Variants in PRDM16 observed in about 807,000 individuals in gnomAD.
PRDM16 encodes histone-lysine N-methyltransferase PRDM16.
A neutral mutation model predicts 110.6 loss-of-function variants in PRDM16; 23 were observed. The ratio of observed to expected loss-of-function variants is 0.21; its 90% CI spans 0.15 to 0.29. The LOEUF (loss-of-function observed/expected upper bound fraction) is 0.29. PRDM16 is among the 10% of genes least tolerant of loss of function. The pLI is 1.00. For synonymous variants in PRDM16, 799 were observed against 781.8 expected, an observed-to-expected ratio of 1.02 and a Z score of -0.37; for missense variants, 1,615 against 1,794.3, an observed-to-expected ratio of 0.90 and a Z score of 1.81.
intron 2 of PRDM16, among the ~76,000 whole-genome samples, chr1:3,198,144 C>G (rs751676301): frequency 2.6e-5 from 4 of 152,214 alleles, no homozygotes; most frequent in Non-Finnish European, 5.9e-5. Flanking sequence ...GTAGAATCTG[C>G]TCGGGTCAGG....
At chr1:3,184,495 G>C (rs1644245548) in intron 1 of PRDM16, among the ~76,000 whole-genome samples, 1 of 152,194 alleles carries the variant, frequency 6.6e-6, no homozygotes, top group South Asian at 2.1e-4. Flanking sequence ...GAAAGATCTA[G>C]ATCAGGTCAG....
rs1346526348 is a variant in PRDM16 at position 3,435,537 on chromosome 1, G to C, written c.*1726G>C. ...TTCTATTTATTTCTTGTATTGTTTG[G>C]AAGAAAAAATGATGATAGAGTCCCA... On this transcript the variant is annotated 3_prime_UTR_variant, in exon 17 of 17. Transcript: ENST00000270722. 1 of 231,486 alleles carries C rather than the reference G, an allele frequency of 4.3e-6. No individual in the cohort carries two copies. Among genetic ancestry groups the C allele is most frequent in the African/African-American group, 2.2e-5 (1 of 45,124 alleles). 14.3% of individuals were successfully genotyped at this position (231,486 alleles called of 1,614,324 possible).
intron 3 of PRDM16, among the ~76,000 whole-genome samples, chr1:3,381,400 GT>G (rs58504087): frequency 0.047 from 6,345 of 135,038 alleles, 167 homozygotes; most frequent in African/African-American, 0.13. Context: ...TTTTTTTCTG[GT>G]TTTTTTTTTT....
chr1:3,212,694 T>TCCCGCTCATCCTACCGGCCCCCTCG (rs1167908082), intron 2 of PRDM16, among the ~76,000 whole-genome samples: 2 of 151,174 alleles, frequency 1.3e-5, no homozygotes, highest in African/African-American at 4.9e-5. Flanking sequence ...GCTGCGGTCC[T>TCCCGCTCATCCTACCGGCCCCCTCG]CTCTGCCACT....
chr1:3,305,750 C>T (rs552475841), intron 3 of PRDM16, among the ~76,000 whole-genome samples: 3 of 152,252 alleles, frequency 2.0e-5, no homozygotes, highest in Non-Finnish European at 4.4e-5. Context: ...GGATCCACAT[C>T]ACATGCATGC....
At chr1:3,357,665 G>C (rs990105872) in intron 3 of PRDM16, among the ~76,000 whole-genome samples, 2 of 152,084 alleles carry the variant, frequency 1.3e-5, no homozygotes, top group East Asian at 3.9e-4. Context: ...CTGCCCAGTC[G>C]TCTACGCCCA....
intron 12 of PRDM16, among the ~76,000 whole-genome samples, chr1:3,420,089 G>A (rs1053701556): frequency 4.6e-5 from 7 of 152,126 alleles, no homozygotes; most frequent in Admixed American, 3.3e-4. Context: ...CTAGAGGGTC[G>A]GGGTGGTGTT....
chr1:3,225,966 C>G (rs1043771313), intron 2 of PRDM16, among the ~76,000 whole-genome samples: 6 of 152,242 alleles, frequency 3.9e-5, no homozygotes, highest in Admixed American at 3.9e-4. Context: ...CTCCTGCATC[C>G]GTGCCTCAGC....
At chr1:3,291,475 A>G (rs1177368585) in intron 3 of PRDM16, among the ~76,000 whole-genome samples, 1 of 151,974 alleles carries the variant, frequency 6.6e-6, no homozygotes, top group East Asian at 2.0e-4. Flanking sequence ...AATAAACACC[A>G]TCCGCTGTCA....
intron 1 of PRDM16, among the ~76,000 whole-genome samples, chr1:3,171,490 C>A (rs34456377): frequency 0.052 from 7,980 of 152,304 alleles, 230 homozygotes; most frequent in Admixed American, 0.072. Context: ...CGCAGGTGCT[C>A]TGGCAGCTGG....
intron 6 of PRDM16, 57 bp from the exon 7 acceptor site, chr1:3,404,682 C>T (rs1011482665): frequency 1.2e-6 from 2 of 1,602,856 alleles, no homozygotes; most frequent in Non-Finnish European, 1.7e-6. Context: ...GTTGGGGTCC[C>T]CTCCCGGGCA....
chr1:3,162,900 C>T lies in PRDM16; in HGVS notation c.38-23225C>T, dbSNP rs1643912268. Among the ~76,000 whole-genome samples the T allele has an allele frequency of 2.2e-5, 3 of 135,968 alleles. No individual in the cohort carries two copies. In the Admixed American group the frequency reaches 2.2e-4, roughly 10 times the overall value. 89.2% of individuals were successfully genotyped at this position (135,968 alleles called of 152,430 possible). ...GGGAGAGGGGATGTGCGCAGAAGCC[C>T]CTGGCATGGTCTAGAGGGCTTTGGG... On this transcript the variant is annotated intron_variant, in intron 1 of 16. Transcript: ENST00000270722.
At chr1:3,347,131 C>T (rs1459673037) in intron 3 of PRDM16, among the ~76,000 whole-genome samples, 1 of 152,176 alleles carries the variant, frequency 6.6e-6, no homozygotes, top group Admixed American at 6.5e-5. Context: ...GGTCAGTGTA[C>T]AGCCCCGGGA....
chr1:3,288,456 C>T (rs1219074161), intron 3 of PRDM16, among the ~76,000 whole-genome samples: 1 of 152,188 alleles, frequency 6.6e-6, no homozygotes, highest in Non-Finnish European at 1.5e-5. Flanking sequence ...GGGCTCCAGC[C>T]TGCTTTTTCT....
rs1642468122 is a variant in PRDM16, at chr1:3,098,861, C to T, written c.37+29565C>T. 1.3e-5 allele frequency among the ~76,000 whole-genome samples: 2 copies of T among 152,214 alleles called. 1 individual carries two copies. Among genetic ancestry groups the T allele is most frequent in the South Asian group, 4.1e-4 (2 of 4,826 alleles). On this transcript the variant is annotated intron_variant, in intron 1 of 16. Transcript: ENST00000270722. ...TGTCCTTAGCTGCCTGCTGCATGGT[C>T]CTGCAGGCGAGGCTGTGTCCCAGCC...
In PRDM16 at chr1:3,408,988, C is replaced by T. The variant is rs533575435; in HGVS notation, c.1187-2396C>T. 8.5e-5 allele frequency among the ~76,000 whole-genome samples: 12 copies of T among 140,950 alleles called. No individual in the cohort carries two copies. The South Asian group carries it at 2.7e-3, about 32-fold the overall frequency. The allele number at this position is 140,950 out of a possible 152,430, so 92.5% of individuals were successfully genotyped here. On this transcript the variant is annotated intron_variant, in intron 8 of 16. Coordinates refer to ENST00000270722, the MANE Select transcript of PRDM16 (RefSeq NM_022114.4). ...GTGCATGTGTTGGCACGTGTGAGAG[C>T]ATGTGAGGGTTGGCGTGTGAGCCGG...
chr1:3,405,470 G>A (rs1406539871), intron 7 of PRDM16, 25 bp from the exon 8 acceptor site: 7 of 1,535,968 alleles, frequency 4.6e-6, no homozygotes, highest in East Asian at 2.4e-5. Context: ...GGCAGGGCAC[G>A]CGCCAACGGC....
intron 3 of PRDM16, among the ~76,000 whole-genome samples, chr1:3,330,495 C>G (rs115318861): frequency 6.6e-6 from 1 of 152,194 alleles, no homozygotes; most frequent in Non-Finnish European, 1.5e-5. Context: ...TGCTCTTCTT[C>G]CCATCTGCCC....
At chr1:3,397,552 TC>T (rs1643404400) in intron 5 of PRDM16, among the ~76,000 whole-genome samples, 1 of 152,200 alleles carries the variant, frequency 6.6e-6, no homozygotes, top group African/African-American at 2.4e-5. Flanking sequence ...TCCACGCCGG[TC>T]CCTCTGAGCA....
Sources: allele counts gnomAD v4.1 joint callset (sites outside exome capture counted in the v4.1 genomes callset), GRCh38; gene constraint gnomAD v4.1.1; transcripts MANE v1.5; gene names NCBI Gene and HGNC (gene_info 2026-07-23, HGNC 2026-07-21).